Variants in ABCB1 observed in about 807,000 individuals in gnomAD.
ABCB1 encodes the protein ATP binding cassette subfamily B member 1, also known as ATP-dependent translocase ABCB1.
A neutral mutation model predicts 142.0 loss-of-function variants in ABCB1; 69 were observed. The observed-to-expected ratio is 0.49, with a 90% CI of 0.40 to 0.59. ABCB1 has a LOEUF of 0.59. ABCB1 is among the 20% of genes least tolerant of loss of function. ABCB1 has a pLI of 0.00. For synonymous variants in ABCB1, 532 were observed against 539.2 expected, an observed-to-expected ratio of 0.99 and a Z score of 0.18; for missense variants, 1,326 against 1,554.7, an observed-to-expected ratio of 0.85 and a Z score of 2.47.
In ABCB1 at chr7:87,519,399, A is replaced by T. The variant is rs1259613365; in HGVS notation, c.2854T>A (p.Ser952Thr). The T allele has an allele frequency of 1.2e-6, 2 of 1,614,172 alleles. No individual in the cohort carries two copies. The highest frequency in any genetic ancestry group is 4.5e-5 in the East Asian group (2 of 44,870). ...FSFTQAMMYF[S>T]YAGCFRFGAY... ...CCAAACCGGAAACATCCAGCATAGGAAAAATACATCATTGCCTGGGTGAAG... is the reference window on the plus strand; with the variant it reads ...CCAAACCGGAAACATCCAGCATAGGTAAAATACATCATTGCCTGGGTGAAG... The change falls in exon 23 of 28, where the codon TCC (serine) becomes ACC (threonine). Residue 952 changes from serine (S) to threonine (T), a missense_variant. Coordinates refer to ENST00000622132, the MANE Select transcript of ABCB1 (RefSeq NM_001348946.2).
chr7:87,524,687 T>C (rs759128855), intron 21 of ABCB1, among the ~76,000 whole-genome samples: 4 of 152,086 alleles, frequency 2.6e-5, no homozygotes, highest in Non-Finnish European at 5.9e-5. Context: ...TATACATATG[T>C]AACTAACCTG....
Position 87,550,515 on chromosome 7 carries a change from C to T in ABCB1, c.1177G>A (p.Glu393Lys), listed in dbSNP as rs201346512. Residue 393 changes from glutamate (E) to lysine (K), a missense_variant, in exon 11 of 28, where the codon GAA becomes AAA. Coordinates refer to ENST00000622132, the MANE Select transcript of ABCB1 (RefSeq NM_001348946.2). ...TAACTGAAGTGAACATTTCTGAATT[C>T]CAAATTTCCCTTAATATTATCTGGT... ...HKPDNIKGNLEFRNVHFSYPS... is the reference protein window; with the variant it reads ...HKPDNIKGNLKFRNVHFSYPS... The T allele has an allele frequency of 1.5e-5, 24 of 1,613,482 alleles. No homozygotes were observed. The South Asian group carries it at 2.6e-4, about 18-fold the overall frequency.
At chr7:87,668,834 C>T (rs1385568572) in intron 1 of ABCB1, among the ~76,000 whole-genome samples, 1 of 151,970 alleles carries the variant, frequency 6.6e-6, no homozygotes, top group Non-Finnish European at 1.5e-5. Flanking sequence ...CTCTGTGATC[C>T]AAGAGTGTGT....
chr7:87,553,122 T>C (rs1233383645), intron 9 of ABCB1, among the ~76,000 whole-genome samples: 6 of 152,108 alleles, frequency 3.9e-5, no homozygotes, highest in Non-Finnish European at 5.9e-5. Context: ...TTGTGAATAG[T>C]AAATCAGAAA....
In ABCB1 at chr7:87,679,533, G is replaced by A. The variant is rs1174908919; in HGVS notation, c.-331+33628C>T. ...GGTTCCTGAGTAGCTGGGACTACAG[G>A]CACACACCACTACACCCAGCTAATT... On this transcript the variant is annotated intron_variant, in intron 1 of 28. Coordinates refer to the ABCB1 transcript ENST00000265724. Among the ~76,000 whole-genome samples the A allele has an allele frequency of 5.3e-5, 8 of 149,890 alleles. No individual in the cohort carries two copies. The Admixed American group carries it at 5.3e-4, about 10-fold the overall frequency.
chr7:87,648,709 A>T (rs958848192), intron 1 of ABCB1, among the ~76,000 whole-genome samples: 42 of 152,214 alleles, frequency 2.8e-4, no homozygotes, highest in African/African-American at 9.6e-4. Context: ...TTATTTCCCG[A>T]TATAACTGGT....
chr7:87,575,858 C>T (rs1584894372), intron 4 of ABCB1, among the ~76,000 whole-genome samples: 1 of 152,150 alleles, frequency 6.6e-6, no homozygotes, highest in East Asian at 1.9e-4. Context: ...ATTTAAAAGA[C>T]CAAGTGCTGG....
At chr7:87,544,455 T>C (rs1169733163) in intron 16 of ABCB1, among the ~76,000 whole-genome samples, 180 bp from the exon 17 acceptor site, 3 of 152,162 alleles carry the variant, frequency 2.0e-5, no homozygotes, top group African/African-American at 7.2e-5. Context: ...AAAAAAATGT[T>C]GACAAATTTT....
At position 87,671,139 on chromosome 7, in the gene ABCB1, C is replaced by G. The variant is rs368730092; in HGVS notation, c.-331+42022G>C. 3.7e-4 allele frequency among the ~76,000 whole-genome samples: 57 copies of G among 152,338 alleles called. No homozygotes were observed. In the South Asian group the frequency reaches 0.011, roughly 30 times the overall value. The stretch of plus-strand genomic sequence containing the variant: ...GGATGGAGGGTCTGTACTGTGGCCC[C>G]AGGCCAAGGGTTCCCTGTCTAGTCA... On this transcript the variant is annotated intron_variant, in intron 1 of 28. Transcript: ENST00000265724.
chr7:87,691,515 T>C (rs938240525), intron 1 of ABCB1, among the ~76,000 whole-genome samples: 2 of 152,200 alleles, frequency 1.3e-5, no homozygotes, highest in African/African-American at 2.4e-5. Flanking sequence ...TTTCACTTTC[T>C]TTTAACATTA....
At chr7:87,542,637 C>G (rs941680630) in intron 17 of ABCB1, among the ~76,000 whole-genome samples, 1 of 149,342 alleles carries the variant, frequency 6.7e-6, no homozygotes, top group South Asian at 2.1e-4. Context: ...CAACCAAACC[C>G]ATTCCTAACT....
chr7:87,580,705 G>A (rs1268898408), intron 4 of ABCB1, among the ~76,000 whole-genome samples: 2 of 151,914 alleles, frequency 1.3e-5, no homozygotes, highest in Admixed American at 6.6e-5. Context: ...CCCTTTTAAG[G>A]CTATTTTGTA....
chr7:87,542,977 G>A (rs866534972), intron 17 of ABCB1, among the ~76,000 whole-genome samples: 3 of 152,142 alleles, frequency 2.0e-5, no homozygotes, highest in Middle Eastern at 3.4e-3. Context: ...TCACATTCTC[G>A]GAATTTTTTC....
At chr7:87,675,726 C>G (rs562746365) in intron 1 of ABCB1, among the ~76,000 whole-genome samples, 1 of 148,412 alleles carries the variant, frequency 6.7e-6, no homozygotes, top group South Asian at 2.1e-4. Context: ...AGAAATCGGA[C>G]CTTTCTCTTA....
At chr7:87,702,738 A>G (rs1185550694) in intron 1 of ABCB1, among the ~76,000 whole-genome samples, 1 of 152,190 alleles carries the variant, frequency 6.6e-6, no homozygotes, top group African/African-American at 2.4e-5. Context: ...GAACATCCCA[A>G]AACTGAAAAT....
Position 87,656,280 on chromosome 7 carries a change from G to GA in ABCB1, c.-330-55203dup, listed in dbSNP as rs1824092522. 2.0e-5 allele frequency among the ~76,000 whole-genome samples: 3 copies of GA among 151,696 alleles called. No homozygotes were observed. In the South Asian group the frequency reaches 6.2e-4, roughly 32 times the overall value. On this transcript the variant is annotated intron_variant, in intron 1 of 28. Transcript: ENST00000265724. ...AAAATTTTTAAATAATTTTTAAAAA[G>GA]AAAAAATTAATACAGTTATAAGTTT...
Position 87,544,934 on chromosome 7 carries a change from C to T in ABCB1, c.1953G>A (p.Leu651=). 3.7e-6 allele frequency: 6 copies of T among 1,613,998 alleles called. No individual in the cohort carries two copies. The highest frequency in any genetic ancestry group is 5.1e-6 in the Non-Finnish European group (6 of 1,179,958). ...ADESKSEIDA[L]EMSSNDSRSS... is the part of the protein sequence containing the mutation. ...ATCTTGAATCATTTGAAGACATTTC[C>T]AAGGCATCAATTTCACTTTTGGATT... Residue 651 remains leucine (L), a synonymous_variant, in exon 16 of 28, where the codon TTG becomes TTA. Coordinates refer to ENST00000622132, the MANE Select transcript of ABCB1 (RefSeq NM_001348946.2).
intron 1 of ABCB1, among the ~76,000 whole-genome samples, chr7:87,632,272 T>C (rs1414324205): frequency 6.6e-6 from 1 of 152,236 alleles, no homozygotes; most frequent in East Asian, 1.9e-4. Flanking sequence ...AAAGCTTTAT[T>C]CAAGTGCAAT....
chr7:87,629,037 G>A, intron 1 of ABCB1: 1 of 1,183,948 alleles, frequency 8.4e-7, no homozygotes, highest in Non-Finnish European at 1.1e-6. Flanking sequence ...CGGGCATGAT[G>A]GGCTGCCGCC....
Sources: gnomAD v4.1 joint callset for allele counts (sites outside exome capture counted in the v4.1 genomes callset) on GRCh38, gnomAD v4.1.1 for gene constraint, MANE v1.5 for transcripts, NCBI Gene and HGNC (gene_info 2026-07-23, HGNC 2026-07-21) for gene names.